ARHGAP24: variants seen among roughly 807,000 people sequenced by gnomAD.
The protein encoded by ARHGAP24 is rho GTPase-activating protein 24.
Under a neutral mutation model 76.4 loss-of-function variants are expected in ARHGAP24, and 50 were observed. That is an observed-to-expected ratio of 0.65 (90% CI 0.52 to 0.83). The LOEUF (loss-of-function observed/expected upper bound fraction) is 0.83, where lower values mean the gene tolerates loss of function less well. Among genes scored for constraint, ARHGAP24 ranks in the 40% least tolerant of loss-of-function variants. ARHGAP24 has a pLI of 0.00. For missense variants in ARHGAP24, 930 were observed against 914.2 expected, an observed-to-expected ratio of 1.02 and a Z score of -0.22; for synonymous variants, 345 against 323.3, an observed-to-expected ratio of 1.07 and a Z score of -0.72.
chr4:85,756,985 TTCA>T (rs1726523980), intron 3 of ARHGAP24, among the ~76,000 whole-genome samples: 1 of 152,194 alleles, frequency 6.6e-6, no homozygotes, highest in South Asian at 2.1e-4. Flanking sequence ...AAACTGTTTT[TTCA>T]TCTTTATTTT....
chr4:85,764,136 G>T (rs1010203667), intron 3 of ARHGAP24, among the ~76,000 whole-genome samples: 4 of 151,982 alleles, frequency 2.6e-5, no homozygotes, highest in African/African-American at 9.7e-5. Flanking sequence ...GTTTCTGGAA[G>T]AATTTATTGA....
intron 2 of ARHGAP24, among the ~76,000 whole-genome samples, chr4:85,660,575 A>G (rs1334561414): frequency 6.6e-6 from 1 of 151,986 alleles, no homozygotes; most frequent in Non-Finnish European, 1.5e-5. Flanking sequence ...AGGCAGGTGG[A>G]TCACGAGGTC....
intron 3 of ARHGAP24, among the ~76,000 whole-genome samples, chr4:85,903,618 T>C (rs1734615972): frequency 6.6e-6 from 1 of 152,026 alleles, no homozygotes; most frequent in African/African-American, 2.4e-5. Context: ...TATATATATA[T>C]AAAAAGGATA....
intron 3 of ARHGAP24, among the ~76,000 whole-genome samples, chr4:85,883,941 A>G (rs761215796): frequency 6.6e-6 from 1 of 152,190 alleles, no homozygotes; most frequent in Non-Finnish European, 1.5e-5. Flanking sequence ...TATAAAGTAG[A>G]GATTTAAACC....
Position 86,000,728 on chromosome 4 carries a change from C to T in ARHGAP24, c.*6C>T, listed in dbSNP as rs1459083653. 7 of 1,613,534 alleles carry T rather than the reference C, an allele frequency of 4.3e-6. No individual in the cohort carries two copies. The highest frequency in any genetic ancestry group is 5.1e-6 in the Non-Finnish European group (6 of 1,179,740). On this transcript the variant is annotated 3_prime_UTR_variant, in exon 10 of 10. Transcript: ENST00000395184. Reference sequence around the variant, plus strand: ...ACACAATATGGATTCAGTGAGCCTGCTTTCGCCTGCTGTCTCTGATGGCTC... The same window carrying T: ...ACACAATATGGATTCAGTGAGCCTGTTTTCGCCTGCTGTCTCTGATGGCTC...
At chr4:85,873,818 T>C (rs892591709) in intron 3 of ARHGAP24, among the ~76,000 whole-genome samples, 18 of 152,328 alleles carry the variant, frequency 1.2e-4, no homozygotes, top group Non-Finnish European at 2.5e-4. Context: ...CCACTCAGGA[T>C]AATACAGATC....
At chr4:85,655,871 G>C (rs1316991090) in intron 2 of ARHGAP24, among the ~76,000 whole-genome samples, 2 of 144,424 alleles carry the variant, frequency 1.4e-5, no homozygotes, top group African/African-American at 5.2e-5. Flanking sequence ...GTTAGACTGT[G>C]CCTTGAAAGA....
chr4:85,972,193 ATAAGCTTTTG>A, intron 6 of ARHGAP24, 25 bp downstream of exon 6: 1 of 1,612,232 alleles, frequency 6.2e-7, no homozygotes, highest in Non-Finnish European at 8.5e-7. Flanking sequence ...TTATTTCCAA[ATAAGCTTTTG>A]TTTGGAATTT....
At chr4:85,525,257 CTTTT>C (rs34087239) in intron 1 of ARHGAP24, among the ~76,000 whole-genome samples, 2 of 128,344 alleles carry the variant, frequency 1.6e-5, no homozygotes, top group Non-Finnish European at 3.3e-5. Context: ...GTATTATCGG[CTTTT>C]TTTTTTTTTT....
At position 85,845,567 on chromosome 4, in the gene ARHGAP24, T is replaced by C. The variant is rs563231798; in HGVS notation, c.269-78081T>C. Among the ~76,000 whole-genome samples the C allele has an allele frequency of 1.6e-4, 24 of 152,362 alleles. No individual in the cohort carries two copies. In the East Asian group the frequency reaches 4.0e-3, roughly 26 times the overall value. On this transcript the variant is annotated intron_variant, in intron 3 of 9. Transcript: ENST00000395184. ...TGTGTATTTGCCTTCCCAGGATTTT[T>C]CCCTGCCTTTTATATTCCCTGTTCT...
chr4:85,591,005 C>T (rs17389074), intron 2 of ARHGAP24, among the ~76,000 whole-genome samples: 7,992 of 144,582 alleles, frequency 0.055, 425 homozygotes, highest in Admixed American at 0.17. Flanking sequence ...CTTTCCCATG[C>T]AGCACTAACC....
chr4:85,585,210 T>C (rs1727804912), intron 2 of ARHGAP24, among the ~76,000 whole-genome samples: 1 of 152,172 alleles, frequency 6.6e-6, no homozygotes, highest in South Asian at 2.1e-4. Flanking sequence ...ACTCATACAA[T>C]GAAAAAGATT....
At chr4:85,952,372 C>A (rs346492) in intron 5 of ARHGAP24, among the ~76,000 whole-genome samples, 54,139 of 152,016 alleles carry the variant, frequency 0.36, 9,833 homozygotes, top group East Asian at 0.53. Flanking sequence ...CATTTGTTTT[C>A]AATGTTTTGC....
intron 8 of ARHGAP24, among the ~76,000 whole-genome samples, chr4:85,993,039 C>T (rs574126465): frequency 5.2e-4 from 79 of 152,136 alleles, no homozygotes; most frequent in Middle Eastern, 3.4e-3. Context: ...TTCTCTAACC[C>T]TCAATTTTCT....
At chr4:85,956,861 A>T (rs1359434021) in intron 5 of ARHGAP24, among the ~76,000 whole-genome samples, 1 of 152,114 alleles carries the variant, frequency 6.6e-6, no homozygotes, top group Non-Finnish European at 1.5e-5. Context: ...ACCAGAAGAG[A>T]GTGCAGTTGC....
At chr4:85,561,159 A>G (rs1341750530) in intron 1 of ARHGAP24, among the ~76,000 whole-genome samples, 1 of 151,982 alleles carries the variant, frequency 6.6e-6, no homozygotes, top group Non-Finnish European at 1.5e-5. Flanking sequence ...CCAGGATGGT[A>G]TCATGCAAGG....
chr4:85,648,159 A>G (rs974543191), intron 2 of ARHGAP24, among the ~76,000 whole-genome samples: 4 of 152,248 alleles, frequency 2.6e-5, no homozygotes, highest in Admixed American at 6.6e-5. Context: ...CCTTGACTCA[A>G]TTATCTAAAT....
intron 3 of ARHGAP24, among the ~76,000 whole-genome samples, chr4:85,832,992 A>G (rs1234857650): frequency 6.6e-6 from 1 of 152,202 alleles, no homozygotes; most frequent in Admixed American, 6.5e-5. Flanking sequence ...CCCAGGCTTC[A>G]GAGAGGAAGG....
intron 3 of ARHGAP24, among the ~76,000 whole-genome samples, chr4:85,917,275 G>A (rs561260471): frequency 6.6e-6 from 1 of 152,076 alleles, no homozygotes; most frequent in African/African-American, 2.4e-5. Flanking sequence ...GTATTCCATG[G>A]TGTATATGTG....
Sources: allele counts gnomAD v4.1 joint callset (sites outside exome capture counted in the v4.1 genomes callset), GRCh38; gene constraint gnomAD v4.1.1; transcripts MANE v1.5; gene names NCBI Gene and HGNC (gene_info 2026-07-23, HGNC 2026-07-21).